The following AMMECR1 variants were observed in gnomAD, a reference collection of about 807,000 sequenced individuals.
AMMECR1 encodes the protein nuclear protein AMMECR1.
AMMECR1 carries 3 observed loss-of-function variants against 22.5 expected under a neutral mutation model. The observed-to-expected ratio is 0.13, with a 90% CI of 0.06 to 0.35. AMMECR1 has a LOEUF of 0.35. Ranked by LOEUF, AMMECR1 falls within the 10% of genes least tolerant of loss-of-function variation. The probability of loss-of-function intolerance (pLI) is 1.00; values close to 1 mark genes in which losing one functional copy is unlikely to be tolerated. For missense variants in AMMECR1, 235 were observed against 278.7 expected (o/e 0.84, Z 1.12); for synonymous variants, 130 against 116.7 (o/e 1.11, Z -0.74).
rs112033436 is a variant in AMMECR1 at position 110,283,101 on chromosome X, A to G, written c.474-18502T>C. ...TCCACTGTATACCATCAGGAACCAG[A>G]CTAGCAGGAAGAAACTTCTGAGTCC... On this transcript the variant is annotated intron_variant, in intron 1 of 5. Transcript: ENST00000262844. Among the ~76,000 whole-genome samples, 1,100 of 112,195 alleles carry G rather than the reference A, an allele frequency of 9.8e-3. 15 individuals carry two copies. The highest frequency in any genetic ancestry group is 0.034 in the African/African-American group (1,050 of 30,877).
intron 1 of AMMECR1, among the ~76,000 whole-genome samples, chrX:110,277,533 G>A (rs1465497049): frequency 1.8e-5 from 2 of 111,057 alleles, no homozygotes; most frequent in Non-Finnish European, 3.8e-5. Flanking sequence ...AAACCTGCAC[G>A]TTGTGCACAT....
intron 2 of AMMECR1, among the ~76,000 whole-genome samples, chrX:110,377,970 C>G (rs1462267874): frequency 1.0e-5 from 1 of 95,310 alleles, no homozygotes; most frequent in African/African-American, 4.2e-5. Context: ...GATCGCGCCA[C>G]TGCACTCCAG....
chrX:110,361,073 T>A (rs752407743), intron 2 of AMMECR1, among the ~76,000 whole-genome samples: 3 of 110,551 alleles, frequency 2.7e-5, no homozygotes, highest in Non-Finnish European at 5.7e-5. Context: ...CTAATAGGTA[T>A]CTCCAACTTA....
intron 2 of AMMECR1, among the ~76,000 whole-genome samples, chrX:110,409,534 C>T (rs945274600): frequency 6.3e-5 from 7 of 111,376 alleles, no homozygotes; most frequent in Non-Finnish European, 1.1e-4. Context: ...AAATGAGGCT[C>T]GAGTATTGTA....
chrX:110,224,871 G>A, intron 2 of AMMECR1: 1 of 289,540 alleles, frequency 3.5e-6, no homozygotes, highest in East Asian at 1.0e-4. Context: ...GATACAGAAT[G>A]AGAGATGAGA....
chrX:110,262,856 G>A (rs944229690), intron 2 of AMMECR1, among the ~76,000 whole-genome samples: 1 of 111,490 alleles, frequency 9.0e-6, no homozygotes, highest in Non-Finnish European at 1.9e-5. Flanking sequence ...CAGACTTTGG[G>A]GTGGGAGGAT....
chrX:110,317,510 G>A (rs902049465), intron 1 of AMMECR1, 89 bp downstream of exon 1: 396 of 1,079,555 alleles, frequency 3.7e-4, no homozygotes, highest in Non-Finnish European at 4.4e-4. Context: ...AGGGGCATCC[G>A]CCGGCCGGGA....
chrX:110,353,444 A>T (rs1294512547), intron 2 of AMMECR1, among the ~76,000 whole-genome samples: 1 of 111,317 alleles, frequency 9.0e-6, no homozygotes, highest in Admixed American at 9.6e-5. Flanking sequence ...GCAGGCATTT[A>T]TTGCTATAAA....
At chrX:110,243,029 T>C (rs1232207181) in intron 2 of AMMECR1, among the ~76,000 whole-genome samples, 1 of 112,356 alleles carries the variant, frequency 8.9e-6, no homozygotes, top group Non-Finnish European at 1.9e-5. Flanking sequence ...AGAGCTTCTC[T>C]TCCTTTCAGA....
intron 2 of AMMECR1, among the ~76,000 whole-genome samples, chrX:110,240,020 C>T (rs765029836): frequency 9.0e-6 from 1 of 111,397 alleles, no homozygotes; most frequent in African/African-American, 3.3e-5. Flanking sequence ...GAGATTTTGT[C>T]ACCACCAGGC....
chrX:110,223,742 A>G (rs1391797623), intron 2 of AMMECR1, among the ~76,000 whole-genome samples: 1 of 112,424 alleles, frequency 8.9e-6, no homozygotes, highest in Non-Finnish European at 1.9e-5. Context: ...GTATAACAAC[A>G]GTTCTCTGTG....
chrX:110,343,576 C>T (rs570218547), intron 2 of AMMECR1, among the ~76,000 whole-genome samples: 2 of 111,099 alleles, frequency 1.8e-5, no homozygotes, highest in Admixed American at 9.6e-5. Flanking sequence ...GATGACATGA[C>T]TGTATATCTA....
chrX:110,306,941 C>T (rs2148221421), intron 1 of AMMECR1: 1 of 110,751 alleles, frequency 9.0e-6, no homozygotes, highest in Admixed American at 9.5e-5. Flanking sequence ...TTTTTTACCA[C>T]CATAAAAAAT....
At chrX:110,364,916 T>A (rs2068287254) in intron 2 of AMMECR1, among the ~76,000 whole-genome samples, 1 of 112,159 alleles carries the variant, frequency 8.9e-6, no homozygotes, top group Admixed American at 9.5e-5. Flanking sequence ...GAGCCTCAGC[T>A]CCCTGCATCA....
upstream of AMMECR1, chrX:110,318,106 C>T (rs1431884687): frequency 1.0e-5 from 11 of 1,096,460 alleles, no homozygotes; most frequent in Non-Finnish European, 1.2e-6. Context: ...CGTTTCCGAC[C>T]CATAAGTGAG....
chrX:110,284,415 A>G (rs1482864462), intron 1 of AMMECR1, among the ~76,000 whole-genome samples: 1 of 112,260 alleles, frequency 8.9e-6, no homozygotes, highest in Non-Finnish European at 1.9e-5. Context: ...CTTAGACTGC[A>G]TGAATCTAGA....
At chrX:110,213,966 A>T (rs2067459879) in intron 3 of AMMECR1, among the ~76,000 whole-genome samples, 1 of 101,856 alleles carries the variant, frequency 9.8e-6, no homozygotes, top group African/African-American at 3.8e-5. Flanking sequence ...TATTAAAAGT[A>T]AAAAAAAAAA....
intron 2 of AMMECR1, among the ~76,000 whole-genome samples, chrX:110,340,019 C>A (rs954881099): frequency 1.3e-3 from 132 of 102,390 alleles, no homozygotes; most frequent in African/African-American, 3.7e-3. Context: ...CACACACACA[C>A]AACATATTGG....
intron 2 of AMMECR1, among the ~76,000 whole-genome samples, chrX:110,258,287 C>T (rs2067720882): frequency 8.9e-6 from 1 of 112,167 alleles, no homozygotes; most frequent in African/African-American, 3.2e-5. Flanking sequence ...TGCTTAGTTT[C>T]CACATTCTGC....
Sources: gnomAD v4.1 joint callset for allele counts (sites outside exome capture counted in the v4.1 genomes callset) on GRCh38, gnomAD v4.1.1 for gene constraint, MANE v1.5 for transcripts, NCBI Gene and HGNC (gene_info 2026-07-23, HGNC 2026-07-21) for gene names.